TCF3: variants seen among roughly 807,000 people sequenced by gnomAD.
TCF3 encodes the protein transcription factor 3.
In TCF3, 54 loss-of-function variants were observed where a neutral mutation model predicts 72.3. The ratio of observed to expected loss-of-function variants is 0.75; its 90% confidence interval spans 0.60 to 0.94. The LOEUF (loss-of-function observed/expected upper bound fraction) is 0.94. TCF3 is among the 40% of genes least tolerant of loss of function. The pLI is 0.00. For missense variants in TCF3, 1,078 were observed against 934.4 expected, an observed-to-expected ratio of 1.15 and a Z score of -2.00; for synonymous variants, 525 against 412.6, an observed-to-expected ratio of 1.27 and a Z score of -3.30.
chr19:1,642,165 C>CACACACAT (rs2065362902), intron 3 of TCF3, among the ~76,000 whole-genome samples: 1 of 150,226 alleles, frequency 6.7e-6, no homozygotes, highest in African/African-American at 2.4e-5. Flanking sequence ...CACACACACA[C>CACACACAT]GCACGCGTAC....
In TCF3 at chr19:1,614,964, C is replaced by G. The variant is rs762522684; in HGVS notation, c.1822+321G>C. On this transcript the variant is annotated intron_variant, in intron 18 of 18. Transcript: ENST00000262965. The surrounding 1 kb of genome is among the most constrained non-coding windows in gnomAD (Gnocchi z 5.6). ...TCTGGGCTTCCCAAGAAAGGAGGAC[C>G]ACGGCGAGTGGGAGCCCCGTGGAGC... 3.9e-4 allele frequency among the ~76,000 whole-genome samples: 59 copies of G among 152,062 alleles called. No individual in the cohort carries two copies. The highest frequency in any genetic ancestry group is 7.8e-4 in the Non-Finnish European group (53 of 68,010).
intron 6 of TCF3, 33 bp downstream of exon 6, chr19:1,627,326 A>AT: frequency 1.9e-6 from 3 of 1,574,862 alleles, no homozygotes; most frequent in Non-Finnish European, 1.7e-6. Flanking sequence ...GTTTAAAATC[A>AT]AAATACACCC....
chr19:1,627,138 A>C (rs2062982659), intron 6 of TCF3, among the ~76,000 whole-genome samples: 1 of 152,170 alleles, frequency 6.6e-6, no homozygotes, highest in African/African-American at 2.4e-5. Context: ...CCAGCTAAGC[A>C]TGGCAGCCCT....
At chr19:1,613,646 C>G (rs1414565607) in intron 18 of TCF3, among the ~76,000 whole-genome samples, 1 of 152,174 alleles carries the variant, frequency 6.6e-6, no homozygotes, top group Non-Finnish European at 1.5e-5. Flanking sequence ...ACTCCAAAAA[C>G]CCGGGACTGG....
At chr19:1,616,600 C>T (rs574971124) in intron 16 of TCF3, 61 of 152,188 alleles carry the variant, frequency 4.0e-4, no homozygotes, top group African/African-American at 1.3e-3. Flanking sequence ...GTGCTCAAAG[C>T]GCTGCTTTTG....
rs200329438 is a variant in TCF3 at position 1,622,297 on chromosome 19, C to A, written c.652+16G>T. ...CTGCCCTACCGTCCCTGGCGAGCCCCCGCCCTGCCATGTACCTGCCACGTA... is the reference window on the plus strand; with the variant it reads ...CTGCCCTACCGTCCCTGGCGAGCCCACGCCCTGCCATGTACCTGCCACGTA... On this transcript the variant is annotated intron_variant, in intron 9 of 18. Coordinates refer to ENST00000262965, the MANE Select transcript of TCF3 (RefSeq NM_003200.5). The A allele has an allele frequency of 9.0e-4, 1,356 of 1,513,142 alleles. 12 individuals carry two copies. In the East Asian group the frequency reaches 0.021, roughly 24 times the overall value. The allele number at this position is 1,513,142 out of a possible 1,614,324, so 93.7% of individuals were successfully genotyped here.
intron 7 of TCF3, 48 bp downstream of exon 7, chr19:1,625,528 C>T (rs777911050): frequency 1.4e-5 from 21 of 1,506,976 alleles, no homozygotes; most frequent in Non-Finnish European, 1.8e-5. Context: ...CCTCCCTTTG[C>T]AGGCTCCCTC....
intron 7 of TCF3, among the ~76,000 whole-genome samples, chr19:1,624,415 GCAA>G (rs978945712): frequency 5.9e-5 from 9 of 152,296 alleles, no homozygotes; most frequent in East Asian, 1.9e-4. Context: ...AGCAGCAGCA[GCAA>G]CAACAACAAA....
At chr19:1,646,142 G>A (rs1339704337) in intron 3 of TCF3, among the ~76,000 whole-genome samples, 1 of 152,152 alleles carries the variant, frequency 6.6e-6, no homozygotes, top group Non-Finnish European at 1.5e-5. Context: ...AGGGGACGAG[G>A]GGCTCAGGGG....
chr19:1,622,283 TC>T, intron 9 of TCF3, 29 bp downstream of exon 9: 3 of 1,504,740 alleles, frequency 2.0e-6, no homozygotes, highest in South Asian at 1.3e-5. Flanking sequence ...TGCCCTACCG[TC>T]CCTGGCGAGC....
chr19:1,622,298 C>A lies in TCF3; in HGVS notation c.652+15G>T. The A allele has an allele frequency of 6.6e-7, 1 of 1,513,302 alleles. No homozygotes were observed. Among genetic ancestry groups the A allele is most frequent in the Non-Finnish European group, 8.9e-7 (1 of 1,128,722 alleles). The allele number at this position is 1,513,302 out of a possible 1,614,324, so 93.7% of individuals were successfully genotyped here. ...TGCCCTACCGTCCCTGGCGAGCCCCCGCCCTGCCATGTACCTGCCACGTAG... is the reference window on the plus strand; with the variant it reads ...TGCCCTACCGTCCCTGGCGAGCCCCAGCCCTGCCATGTACCTGCCACGTAG... On this transcript the variant is annotated intron_variant, in intron 9 of 18. Coordinates refer to ENST00000262965, the MANE Select transcript of TCF3 (RefSeq NM_003200.5).
At chr19:1,618,907 G>A (rs2061841887) in intron 16 of TCF3, among the ~76,000 whole-genome samples, 1 of 152,184 alleles carries the variant, frequency 6.6e-6, no homozygotes. Context: ...GCAGCCCAGA[G>A]CTGTCCACCT....
chr19:1,632,355 T>C lies in TCF3; in HGVS notation c.196A>G (p.Ser66Gly). ...ACCCGGCTGGGGTCAAAGGAGGAGC[T>C]GCTCTGGTCGCCGCTGCCCCAGGAG... ...SGSWGSGDQS[S>G]SSFDPSRTFS... The change falls in exon 4 of 19, where the codon AGC (serine) becomes GGC (glycine). Residue 66 changes from serine to glycine, a missense_variant. Physicochemically the swap from Ser to Gly is moderately conservative, Grantham distance 56 (BLOSUM62 0). Coordinates refer to ENST00000262965, the MANE Select transcript of TCF3 (RefSeq NM_003200.5). The C allele has an allele frequency of 6.3e-7, 1 of 1,592,140 alleles. No individual in the cohort carries two copies. The highest frequency in any genetic ancestry group is 8.5e-7 in the Non-Finnish European group (1 of 1,169,752).
chr19:1,639,092 G>A (rs2064871092), intron 3 of TCF3, among the ~76,000 whole-genome samples: 1 of 152,210 alleles, frequency 6.6e-6, no homozygotes, highest in African/African-American at 2.4e-5. Context: ...CGCCCAGGGT[G>A]GAGTGCGGTG....
At chr19:1,648,192 C>T (rs1376487615) in intron 2 of TCF3, among the ~76,000 whole-genome samples, 2 of 152,206 alleles carry the variant, frequency 1.3e-5, no homozygotes, top group African/African-American at 4.8e-5. Context: ...ACTTTATACG[C>T]ATCTGGTCCA....
At chr19:1,630,211 C>T (rs1180052443) in intron 5 of TCF3, among the ~76,000 whole-genome samples, 1 of 152,128 alleles carries the variant, frequency 6.6e-6, no homozygotes, top group Non-Finnish European at 1.5e-5. Flanking sequence ...AAGGAACAGC[C>T]AGTGAGGAAC....
chr19:1,618,753 G>A (rs939612051), intron 16 of TCF3, among the ~76,000 whole-genome samples: 15 of 152,172 alleles, frequency 9.9e-5, no homozygotes, highest in Non-Finnish European at 1.9e-4. Context: ...CAGCCACTTC[G>A]TTCCTTCTCC....
chr19:1,649,245 C>T (rs1280093391), intron 2 of TCF3, among the ~76,000 whole-genome samples: 1 of 152,256 alleles, frequency 6.6e-6, no homozygotes, highest in African/African-American at 2.4e-5. Flanking sequence ...CAGCCTCCTC[C>T]TGGCCCAAGC....
chr19:1,625,311 G>T (rs978187757), intron 7 of TCF3, among the ~76,000 whole-genome samples: 1 of 152,258 alleles, frequency 6.6e-6, no homozygotes, highest in Non-Finnish European at 1.5e-5. Flanking sequence ...AAAGCACATG[G>T]CAGAGCCCGT....
Sources: gnomAD v4.1 joint callset for allele counts (sites outside exome capture counted in the v4.1 genomes callset) on GRCh38, gnomAD v4.1.1 for gene constraint, Gnocchi (gnomAD v3.1) non-coding constraint, MANE v1.5 for transcripts, NCBI Gene and HGNC (gene_info 2026-07-23, HGNC 2026-07-21) for gene names.